MAF: variants seen among roughly 807,000 people sequenced by gnomAD.
The protein encoded by MAF is transcription factor Maf.
Under a neutral mutation model 22.0 loss-of-function variants are expected in MAF, and 10 were observed. That is an observed-to-expected ratio of 0.45 (90% CI 0.28 to 0.77). MAF has a LOEUF of 0.77. Ranked by LOEUF, MAF falls within the 30% of genes least tolerant of loss-of-function variation. The probability of loss-of-function intolerance (pLI) is 0.12; values close to 1 mark genes in which losing one functional copy is unlikely to be tolerated. For missense variants in MAF, 544 were observed against 548.4 expected (o/e 0.99, Z 0.08); for synonymous variants, 337 against 255.8 (o/e 1.32, Z -3.03).
the MAF span, among the ~76,000 whole-genome samples, chr16:79,540,985 G>T: frequency 6.6e-6 from 1 of 151,512 alleles, no homozygotes; most frequent in Admixed American, 6.6e-5. Context: ...TATTTACTAC[G>T]GTTACTACAA....
At chr16:79,225,275 T>G in the MAF span, among the ~76,000 whole-genome samples, 2 of 152,138 alleles carry the variant, frequency 1.3e-5, no homozygotes, top group Non-Finnish European at 2.9e-5. Flanking sequence ...AATTCCCTAT[T>G]TGATAAATGG....
chr16:79,454,943 A>T, the MAF span, among the ~76,000 whole-genome samples: 5 of 151,992 alleles, frequency 3.3e-5, no homozygotes, highest in African/African-American at 1.2e-4. Context: ...CTAAAAATAC[A>T]AAATAAGCCA....
At chr16:79,587,811 C>T (rs1465957688) in intron 1 of MAF, among the ~76,000 whole-genome samples, 2 of 150,318 alleles carry the variant, frequency 1.3e-5, no homozygotes, top group Non-Finnish European at 3.0e-5. Context: ...TTCAAGATGA[C>T]CTCTACTCTC....
At chr16:79,549,418 C>G in the MAF span, among the ~76,000 whole-genome samples, 1 of 152,206 alleles carries the variant, frequency 6.6e-6, no homozygotes, top group Admixed American at 6.5e-5. Flanking sequence ...TTTAAGAAAG[C>G]CACAAGATAC....
chr16:79,351,178 A>T, the MAF span, among the ~76,000 whole-genome samples: 1 of 152,056 alleles, frequency 6.6e-6, no homozygotes, highest in Non-Finnish European at 1.5e-5. Context: ...CTCTTTTTGC[A>T]TTTGGAAAAC....
chr16:79,560,914 A>G, the MAF span, among the ~76,000 whole-genome samples: 1 of 152,230 alleles, frequency 6.6e-6, no homozygotes, highest in Non-Finnish European at 1.5e-5. Flanking sequence ...GAGAAATTCA[A>G]CAGCCATGTA....
the MAF span, among the ~76,000 whole-genome samples, chr16:79,532,634 G>C: frequency 1.3e-5 from 2 of 152,228 alleles, no homozygotes; most frequent in African/African-American, 4.8e-5. Context: ...TTCATTAGGA[G>C]AAATGGGGGC....
chr16:79,332,404 G>T, the MAF span, among the ~76,000 whole-genome samples: 1 of 152,128 alleles, frequency 6.6e-6, no homozygotes, highest in East Asian at 1.9e-4. Flanking sequence ...GGGTTCAAGC[G>T]ATTCTCGTGC....
the MAF span, among the ~76,000 whole-genome samples, chr16:79,350,282 C>A: frequency 6.6e-6 from 1 of 152,126 alleles, no homozygotes; most frequent in Non-Finnish European, 1.5e-5. Context: ...CCACTATGTG[C>A]CAAATCAGCA....
the MAF span, among the ~76,000 whole-genome samples, chr16:79,228,443 T>G: frequency 6.6e-6 from 1 of 152,074 alleles, no homozygotes; most frequent in Non-Finnish European, 1.5e-5. Context: ...GCTCTGACTT[T>G]AATCCCAGGA....
chr16:79,317,546 T>C, the MAF span, among the ~76,000 whole-genome samples: 6 of 151,562 alleles, frequency 4.0e-5, no homozygotes, highest in Admixed American at 3.9e-4. Context: ...TTCCTTGCTT[T>C]CTTCCTTCCT....
At chr16:79,353,116 C>T in the MAF span, among the ~76,000 whole-genome samples, 2 of 147,172 alleles carry the variant, frequency 1.4e-5, no homozygotes, top group African/African-American at 5.4e-5. Context: ...GATGCAAACT[C>T]ACCAGGAATT....
At chr16:79,292,564 A>G in the MAF span, among the ~76,000 whole-genome samples, 48 of 152,352 alleles carry the variant, frequency 3.2e-4, no homozygotes, top group African/African-American at 1.1e-3. Flanking sequence ...ACTCAGAAGT[A>G]TGTATTACCA....
chr16:79,350,721 GA>G, the MAF span, among the ~76,000 whole-genome samples: 1 of 152,176 alleles, frequency 6.6e-6, no homozygotes, highest in African/African-American at 2.4e-5. Flanking sequence ...CTGGGTATGG[GA>G]GGGACCCTGC....
chr16:79,347,630 C>T, the MAF span, among the ~76,000 whole-genome samples: 1 of 152,146 alleles, frequency 6.6e-6, no homozygotes, highest in South Asian at 2.1e-4. Flanking sequence ...AAGATCTGAG[C>T]CGGGTTTATA....
the MAF span, among the ~76,000 whole-genome samples, chr16:79,392,879 C>T: frequency 0.97 from 147,173 of 152,288 alleles, 71,314 homozygotes; most frequent in East Asian, 1. Flanking sequence ...CTGTACGGCC[C>T]AAGTTTGGGG....
At chr16:79,344,814 T>G in the MAF span, among the ~76,000 whole-genome samples, 8 of 152,182 alleles carry the variant, frequency 5.3e-5, no homozygotes, top group Non-Finnish European at 1.2e-4. Flanking sequence ...TTGCTAAAGG[T>G]AGAAATCATT....
chr16:79,251,975 T>C, the MAF span, among the ~76,000 whole-genome samples: 5 of 152,280 alleles, frequency 3.3e-5, no homozygotes, highest in African/African-American at 7.2e-5. Flanking sequence ...GATAAAACCT[T>C]TAAAATGAGT....
chr16:79,429,703 AG>A, the MAF span, among the ~76,000 whole-genome samples: 1 of 152,096 alleles, frequency 6.6e-6, no homozygotes, highest in African/African-American at 2.4e-5. Context: ...GAGGCATTAG[AG>A]GGAGTTGCTG....
Sources: gnomAD v4.1 joint callset for allele counts (sites outside exome capture counted in the v4.1 genomes callset) on GRCh38, gnomAD v4.1.1 for gene constraint, MANE v1.5 for transcripts, NCBI Gene and HGNC (gene_info 2026-07-23, HGNC 2026-07-21) for gene names.